The following ALOX5 variants were observed in gnomAD, a reference collection of about 807,000 sequenced individuals.
ALOX5 encodes the protein arachidonate 5-lipoxygenase, also known as polyunsaturated fatty acid 5-lipoxygenase.
ALOX5 carries 64 observed loss-of-function variants against 87.9 expected under a neutral mutation model. The observed-to-expected ratio is 0.73, with a 90% confidence interval of 0.60 to 0.90. The LOEUF (loss-of-function observed/expected upper bound fraction) is 0.90, where lower values mean the gene tolerates loss of function less well. Among genes scored for constraint, ALOX5 ranks in the 40% least tolerant of loss-of-function variants. The pLI, the probability that ALOX5 is intolerant of heterozygous loss-of-function variation, is 0.00. For synonymous variants in ALOX5, 388 were observed against 355.1 expected (o/e 1.09, Z -1.04); for missense variants, 822 against 907.5 (o/e 0.91, Z 1.21).
At chr10:45,434,101 G>A (rs1841993813) in intron 7 of ALOX5, among the ~76,000 whole-genome samples, 1 of 152,202 alleles carries the variant, frequency 6.6e-6, no homozygotes, top group Admixed American at 6.5e-5. Context: ...AAGGAACTCG[G>A]GATTTTCCTT....
chr10:45,435,466 T>G (rs1352935201), intron 7 of ALOX5, among the ~76,000 whole-genome samples: 1 of 152,174 alleles, frequency 6.6e-6, no homozygotes, highest in Non-Finnish European at 1.5e-5. Flanking sequence ...CCCACTTTTA[T>G]GCCCATGTGT....
intron 2 of ALOX5, among the ~76,000 whole-genome samples, chr10:45,385,154 A>G (rs575826892): frequency 2.7e-4 from 41 of 152,312 alleles, no homozygotes; most frequent in Non-Finnish European, 3.8e-4. Context: ...GCTGTGGCCA[A>G]TTATTAATCC....
At chr10:45,419,218 G>A (rs1841412042) in intron 4 of ALOX5, among the ~76,000 whole-genome samples, 1 of 152,262 alleles carries the variant, frequency 6.6e-6, no homozygotes, top group African/African-American at 2.4e-5. Flanking sequence ...TCAGGTGAAG[G>A]CGCAGAGGCA....
intron 7 of ALOX5, among the ~76,000 whole-genome samples, chr10:45,432,063 G>C (rs1227387140): frequency 1.3e-5 from 2 of 151,320 alleles, no homozygotes; most frequent in Admixed American, 1.3e-4. Context: ...AACTAAAAAG[G>C]AGAGAAAACA....
chr10:45,376,263 G>A lies in ALOX5; in HGVS notation c.150+1834G>A, dbSNP rs529829014. On this transcript the variant is annotated intron_variant, in intron 1 of 13. Coordinates refer to ENST00000374391, the MANE Select transcript of ALOX5 (RefSeq NM_000698.5). ...TTAAACACCTCAGCCGGAATCCCAG[G>A]GGCAAATTTCAGGAGAGATTTGCAT... 5.7e-4 allele frequency among the ~76,000 whole-genome samples: 85 copies of A among 149,138 alleles called. 2 individuals are homozygous for A. Among genetic ancestry groups the A allele is most frequent in the African/African-American group, 1.7e-3 (68 of 40,642 alleles).
chr10:45,401,622 T>C (rs1589006656), intron 3 of ALOX5, among the ~76,000 whole-genome samples: 1 of 152,198 alleles, frequency 6.6e-6, no homozygotes, highest in Non-Finnish European at 1.5e-5. Context: ...TACTATTCCA[T>C]TGGATGGATG....
chr10:45,394,214 G>C (rs1459186676), intron 2 of ALOX5, among the ~76,000 whole-genome samples: 1 of 151,590 alleles, frequency 6.6e-6, no homozygotes, highest in Non-Finnish European at 1.5e-5. Flanking sequence ...ATACTACAAG[G>C]CTACAGTAAC....
rs1349037651 is a variant in ALOX5 at position 45,392,116 on chromosome 10, C to T, written c.350-3739C>T. Among the ~76,000 whole-genome samples, 8 of 151,784 alleles carry T rather than the reference C, an allele frequency of 5.3e-5. No homozygotes were observed. In the East Asian group the frequency reaches 1.6e-3, roughly 30 times the overall value. On this transcript the variant is annotated intron_variant, in intron 2 of 13. Transcript: ENST00000374391. The stretch of plus-strand genomic sequence containing the variant: ...TCAGCCCCCCGCCCGGCCAGCTGCC[C>T]CGTCCGGGAGGTGAGGGGTGCCTCT...
chr10:45,401,605 T>G (rs1236738239), intron 3 of ALOX5, among the ~76,000 whole-genome samples: 1 of 152,188 alleles, frequency 6.6e-6, no homozygotes, highest in Non-Finnish European at 1.5e-5. Context: ...TTATTCTAGT[T>G]TCTATGTACT....
In ALOX5 at chr10:45,419,792, G is replaced by A. The variant is rs539339891; in HGVS notation, c.555-4249G>A. Among the ~76,000 whole-genome samples, 3 of 152,342 alleles carry A rather than the reference G, an allele frequency of 2.0e-5. No individual in the cohort carries two copies. The East Asian group carries it at 5.8e-4, about 29-fold the overall frequency. ...CGATATCCCCCAGGCAAGGAAGGCT[G>A]CGGAGGGGCCAGGCCAGGAGAGAAG... On this transcript the variant is annotated intron_variant, in intron 4 of 13. Coordinates refer to ENST00000374391, the MANE Select transcript of ALOX5 (RefSeq NM_000698.5).
intron 3 of ALOX5, among the ~76,000 whole-genome samples, chr10:45,406,390 T>C (rs1481259616): frequency 2.0e-5 from 3 of 152,238 alleles, no homozygotes; most frequent in East Asian, 3.8e-4. Flanking sequence ...TAAATGTTAA[T>C]GTCTGTTACA....
rs777753439 is a variant in ALOX5 at position 45,440,497 on chromosome 10, T to C, written c.1049T>C (p.Leu350Ser). 6.2e-7 allele frequency: 1 copy of C among 1,614,266 alleles called. No individual in the cohort carries two copies. Among genetic ancestry groups the C allele is most frequent in the East Asian group, 2.2e-5 (1 of 44,894 alleles). The change falls in exon 8 of 14, where the codon TTG (leucine) becomes TCG (serine). Residue 350 changes from leucine to serine, a missense_variant. Transcript: ENST00000374391. ...LPSDAKYDWLLAKIWVRSSDF... is the reference protein window; with the variant it reads ...LPSDAKYDWLSAKIWVRSSDF... ...TCGGATGCAAAATACGACTGGCTTT[T>C]GGCCAAAATCTGGGTGCGTTCCAGT...
intron 3 of ALOX5, among the ~76,000 whole-genome samples, chr10:45,410,017 C>T (rs1215533056): frequency 6.6e-6 from 1 of 152,280 alleles, no homozygotes; most frequent in Non-Finnish European, 1.5e-5. Flanking sequence ...AAGTATTCCA[C>T]ATCCGTCCAA....
At chr10:45,433,913 G>C (rs1215595511) in intron 7 of ALOX5, among the ~76,000 whole-genome samples, 2 of 152,114 alleles carry the variant, frequency 1.3e-5, no homozygotes, top group East Asian at 3.9e-4. Flanking sequence ...TGGGGGTCTG[G>C]GTTTCTGAAA....
intron 1 of ALOX5, among the ~76,000 whole-genome samples, chr10:45,377,690 C>T (rs1839672942): frequency 6.6e-6 from 1 of 152,098 alleles, no homozygotes; most frequent in African/African-American, 2.4e-5. Flanking sequence ...TCCCACAGCC[C>T]CTCATTAGTC....
intron 8 of ALOX5, 116 bp downstream of exon 8, chr10:45,440,749 C>T: frequency 2.6e-6 from 3 of 1,146,644 alleles, no homozygotes; most frequent in East Asian, 2.6e-5. Flanking sequence ...AGAAAGGGAG[C>T]CCTGGAGAGA....
At chr10:45,438,403 C>T (rs1384167976) in intron 7 of ALOX5, among the ~76,000 whole-genome samples, 6 of 152,148 alleles carry the variant, frequency 3.9e-5, no homozygotes, top group Non-Finnish European at 8.8e-5. Context: ...ATCTGCCTTG[C>T]AGGGTCAAAG....
intron 3 of ALOX5, among the ~76,000 whole-genome samples, chr10:45,406,503 C>T (rs1355721800): frequency 1.3e-5 from 2 of 152,164 alleles, no homozygotes; most frequent in South Asian, 2.1e-4. Flanking sequence ...TCTTTCCATC[C>T]AGGAACACAG....
At chr10:45,374,684 C>T (rs938693092) in intron 1 of ALOX5, among the ~76,000 whole-genome samples, 1 of 152,212 alleles carries the variant, frequency 6.6e-6, no homozygotes, top group Non-Finnish European at 1.5e-5. Flanking sequence ...GAAACGGAGA[C>T]TTCCCGCGTG....
Sources: gnomAD v4.1 joint callset for allele counts (sites outside exome capture counted in the v4.1 genomes callset) on GRCh38, gnomAD v4.1.1 for gene constraint, MANE v1.5 for transcripts, NCBI Gene and HGNC (gene_info 2026-07-23, HGNC 2026-07-21) for gene names.